The following IPO13 variants were observed in gnomAD, a reference collection of about 807,000 sequenced individuals.
The protein encoded by IPO13 is importin 13.
Under a neutral mutation model 115.5 loss-of-function variants are expected in IPO13, and 28 were observed. That is an observed-to-expected ratio of 0.24 (90% CI 0.18 to 0.33). IPO13 has a LOEUF of 0.33. Among genes scored for constraint, IPO13 ranks in the 10% least tolerant of loss-of-function variants. The pLI, the probability that IPO13 is intolerant of heterozygous loss-of-function variation, is 1.00. For missense variants in IPO13, 785 were observed against 1,204.6 expected (o/e 0.65, Z 5.16); for synonymous variants, 414 against 478.9 (o/e 0.86, Z 1.77).
chr1:43,956,267 A>G lies in IPO13; in HGVS notation c.822-53A>G, dbSNP rs140296644. 167 of 1,600,710 alleles carry G rather than the reference A, an allele frequency of 1.0e-4. 2 individuals are homozygous for G. The African/African-American group carries it at 1.8e-3, about 17-fold the overall frequency. On this transcript the variant is annotated intron_variant, in intron 2 of 19. Transcript: ENST00000372343. This position sits in a 1 kb window ranked among gnomAD's most constrained non-coding sequence, Gnocchi z 4.7. The stretch of plus-strand genomic sequence containing the variant: ...GAGATTATGCCTTTCTCTTAAAGCC[A>G]GTGTGGGGTTGAGCAGAGAGCTCTG...
At chr1:43,960,357 C>T (rs1344295050) in intron 12 of IPO13, 28 bp downstream of exon 12, 3 of 1,586,142 alleles carry the variant, frequency 1.9e-6, no homozygotes, top group Non-Finnish European at 2.6e-6. Context: ...CCCTCCGCTC[C>T]CATAGTGACT....
At chr1:43,965,481 ATG>A (rs1416811708) in intron 15 of IPO13, among the ~76,000 whole-genome samples, 2 of 151,720 alleles carry the variant, frequency 1.3e-5, no homozygotes, top group Non-Finnish European at 2.9e-5. Context: ...CTGGATGGAT[ATG>A]TGTGTGGGTG....
rs34228830 is a variant in IPO13, at chr1:43,958,811, A to G, written c.1950A>G (p.Thr650=). The change falls in exon 11 of 20, where the codon ACA becomes ACG. Residue 650 remains threonine, a synonymous_variant. Coordinates refer to ENST00000372343, the MANE Select transcript of IPO13 (RefSeq NM_014652.4). This position sits in a 1 kb window ranked among gnomAD's most constrained non-coding sequence, Gnocchi z 6.3. ...GGCTTCTCTCCAACCTCTTCACCAC[A>G]CTGGACATCAGTCATCATGAGGATG... ...ILGLLSNLFT[T]LDISHHEDDH... is the part of the protein sequence containing the mutation. The G allele has an allele frequency of 2.7e-3, 4,284 of 1,613,938 alleles. 101 individuals carry two copies. The African/African-American group carries it at 0.051, about 19-fold the overall frequency.
At chr1:43,957,110 G>T in intron 5 of IPO13, 85 bp from the exon 6 acceptor site, 1 of 1,573,396 alleles carries the variant, frequency 6.4e-7, no homozygotes, top group Non-Finnish European at 8.6e-7. Context: ...AGAGTTGTGG[G>T]GGTACTGGGG....
rs376501674 is a variant in IPO13, at chr1:43,949,844, C to G, written c.512C>G (p.Thr171Arg). The change falls in exon 2 of 20, where the codon ACA becomes AGA. Residue 171 changes from threonine (T) to arginine (R), a missense_variant. Coordinates refer to ENST00000372343, the MANE Select transcript of IPO13 (RefSeq NM_014652.4). Reference sequence around the variant, plus strand: ...TGCCTAGCCCTGTTAGAGCTGCTGACAGTGCTGCCTGAGGAGTTCCAGACC... The same window carrying G: ...TGCCTAGCCCTGTTAGAGCTGCTGAGAGTGCTGCCTGAGGAGTTCCAGACC... Reference protein sequence around the residue: ...GRCLALLELLTVLPEEFQTSR... With the variant: ...GRCLALLELLRVLPEEFQTSR... 6.2e-7 allele frequency: 1 copy of G among 1,613,548 alleles called. No individual in the cohort carries two copies. The highest frequency in any genetic ancestry group is 1.1e-5 in the South Asian group (1 of 91,040).
chr1:43,958,304 G>T lies in IPO13; in HGVS notation c.1749+36G>T. The T allele has an allele frequency of 6.2e-7, 1 of 1,613,562 alleles. No individual in the cohort carries two copies. Among genetic ancestry groups the T allele is most frequent in the Non-Finnish European group, 8.5e-7 (1 of 1,179,514 alleles). On this transcript the variant is annotated intron_variant, in intron 9 of 19. Transcript: ENST00000372343. This position sits in a 1 kb window ranked among gnomAD's most constrained non-coding sequence, Gnocchi z 6.3. ...AAAGTTTCTAGGGGTCTCCTTGGAG[G>T]TCTTGTGGGAATCACTTATCCCTGA...
chr1:43,966,992 T>A lies in IPO13; in HGVS notation c.2586T>A (p.Gly862=), dbSNP rs1002554937. 2 of 1,613,558 alleles carry A rather than the reference T, an allele frequency of 1.2e-6. No individual in the cohort carries two copies. The highest frequency in any genetic ancestry group is 2.7e-5 in the African/African-American group (2 of 74,832). The change falls in exon 18 of 20, where the codon GGT becomes GGA. Residue 862 remains glycine, a synonymous_variant. Coordinates refer to ENST00000372343, the MANE Select transcript of IPO13 (RefSeq NM_014652.4). This position sits in a 1 kb window ranked among gnomAD's most constrained non-coding sequence, Gnocchi z 4.1. ...ESVGKVVQED[G]RMLLIAVLEA... is the part of the protein sequence containing the mutation. Reference sequence around the variant, plus strand: ...TGGGAAAGGTGGTACAGGAAGACGGTCGTATGCTGCTCATAGCAGTGCTGG... The same window carrying A: ...TGGGAAAGGTGGTACAGGAAGACGGACGTATGCTGCTCATAGCAGTGCTGG...
intron 11 of IPO13, among the ~76,000 whole-genome samples, chr1:43,959,099 C>T (rs1485735939): frequency 6.6e-6 from 1 of 152,214 alleles, no homozygotes; most frequent in Non-Finnish European, 1.5e-5. Context: ...TCTCACTCAG[C>T]TCTGTGTGTG....
chr1:43,950,901 T>C (rs2085204619), intron 2 of IPO13, among the ~76,000 whole-genome samples: 1 of 152,222 alleles, frequency 6.6e-6, no homozygotes, highest in Non-Finnish European at 1.5e-5. Context: ...TATTTTTCCT[T>C]CTTAGCCCAT....
chr1:43,949,321 A>G, intron 1 of IPO13, 96 bp from the exon 2 acceptor site: 1 of 1,332,900 alleles, frequency 7.5e-7, no homozygotes, highest in Non-Finnish European at 1.0e-6. Context: ...AGTCAGGGAG[A>G]GGGAGCAGCC....
chr1:43,957,055 C>A, intron 5 of IPO13, 79 bp downstream of exon 5: 3 of 1,568,296 alleles, frequency 1.9e-6, no homozygotes, highest in East Asian at 2.2e-5. Context: ...CAAGTCCAGG[C>A]TTTCTGAATT....
chr1:43,947,830 G>A (rs886603900), intron 1 of IPO13, 146 bp downstream of exon 1: 15 of 425,734 alleles, frequency 3.5e-5, no homozygotes, highest in African/African-American at 2.9e-4. Context: ...TGGGCAGGCA[G>A]TATTGCAGTG....
rs898232042 is a variant in IPO13 at position 43,960,805 on chromosome 1, T to C, written c.2110-71T>C. On this transcript the variant is annotated intron_variant, in intron 12 of 19. Transcript: ENST00000372343. The stretch of plus-strand genomic sequence containing the variant: ...TAAGGGCCCAATCGTAGGCCCCCTC[T>C]GTGCAGGGCTTCAGCGCTGTTCCAG... 3.2e-6 allele frequency: 5 copies of C among 1,576,714 alleles called. No individual in the cohort carries two copies. The African/African-American group carries it at 5.4e-5, about 17-fold the overall frequency.
chr1:43,958,500 C>G lies in IPO13; in HGVS notation c.1789C>G (p.Leu597Val). The G allele has an allele frequency of 6.2e-7, 1 of 1,614,188 alleles. No homozygotes were observed. The highest frequency in any genetic ancestry group is 1.1e-5 in the South Asian group (1 of 91,092). ...CMWLMQALGF[L>V]LSALQVEEIL... ...GTGGCTGATGCAGGCGCTGGGCTTC[C>G]TGCTGTCAGCTCTTCAAGTGGAGGA... is the stretch of plus-strand genomic sequence containing the variant. Residue 597 changes from leucine to valine, a missense_variant, in exon 10 of 20, where the codon CTG becomes GTG. Physicochemically the swap from Leu to Val is conservative, Grantham distance 32. Transcript: ENST00000372343. The surrounding 1 kb of genome is among the most constrained non-coding windows in gnomAD (Gnocchi z 6.3).
chr1:43,958,481 G>A lies in IPO13; in HGVS notation c.1770G>A (p.Leu590=). The change falls in exon 10 of 20, where the codon CTG becomes CTA. Residue 590 remains leucine (L), a synonymous_variant. Coordinates refer to ENST00000372343, the MANE Select transcript of IPO13 (RefSeq NM_014652.4). This position sits in a 1 kb window ranked among gnomAD's most constrained non-coding sequence, Gnocchi z 6.3. ...QIHKTSQCMW[L]MQALGFLLSA... ...CACAGACAAGCCAGTGCATGTGGCT[G>A]ATGCAGGCGCTGGGCTTCCTGCTGT... 1 of 1,614,154 alleles carries A rather than the reference G, an allele frequency of 6.2e-7. No individual in the cohort carries two copies. The highest frequency in any genetic ancestry group is 2.2e-5 in the East Asian group (1 of 44,890).
At position 43,949,787 on chromosome 1, in the gene IPO13, C is replaced by T; in HGVS notation, c.455C>T (p.Ala152Val). ...AVADMVRLFQ[A>V]EDSPVDGQGR... ...GCAGATATGGTACGACTCTTCCAGG[C>T]TGAGGACTCACCAGTGGATGGGCAG... Residue 152 changes from alanine to valine, a missense_variant, in exon 2 of 20, where the codon GCT becomes GTT. By Grantham distance (64) the Ala-to-Val change is moderately conservative. This residue lies in a region of IPO13 where 325 missense variants were observed against 449.8 expected (regional missense o/e 0.72). Transcript: ENST00000372343. 1 of 1,614,150 alleles carries T rather than the reference C, an allele frequency of 6.2e-7. No homozygotes were observed. The highest frequency in any genetic ancestry group is 8.5e-7 in the Non-Finnish European group (1 of 1,180,008).
rs772656075 is a variant in IPO13, at chr1:43,967,364, T to C, written c.2663T>C (p.Ile888Thr). Residue 888 changes from isoleucine (I) to threonine (T), a missense_variant, in exon 19 of 20, where the codon ATC becomes ACC. Transcript: ENST00000372343. The surrounding 1 kb of genome is among the most constrained non-coding windows in gnomAD (Gnocchi z 6.1). ...AGCCTCATGGACTGCTTTGCCGATATCCTGTTCGCCCTGAACAAGCACTGC... is the reference window on the plus strand; with the variant it reads ...AGCCTCATGGACTGCTTTGCCGATACCCTGTTCGCCCTGAACAAGCACTGC... ...SRSLMDCFAD[I>T]LFALNKHCFS... 1.2e-6 allele frequency: 2 copies of C among 1,614,138 alleles called. No individual in the cohort carries two copies. The highest frequency in any genetic ancestry group is 1.7e-6 in the Non-Finnish European group (2 of 1,180,030).
In IPO13 at chr1:43,958,919, T is replaced by A. The variant is rs763781741; in HGVS notation, c.2028+30T>A. 5 of 1,600,758 alleles carry A rather than the reference T, an allele frequency of 3.1e-6. No homozygotes were observed. Among genetic ancestry groups the A allele is most frequent in the Non-Finnish European group, 4.3e-6 (5 of 1,168,722 alleles). ...GTGACATTTGCCCACGGCAAAGACA[T>A]TTGTCTTTGCCATCCCCCCAACCCC... On this transcript the variant is annotated intron_variant, in intron 11 of 19. Transcript: ENST00000372343. This position sits in a 1 kb window ranked among gnomAD's most constrained non-coding sequence, Gnocchi z 6.3.
intron 2 of IPO13, among the ~76,000 whole-genome samples, chr1:43,955,568 C>T (rs2085238534): frequency 6.6e-6 from 1 of 152,168 alleles, no homozygotes; most frequent in Non-Finnish European, 1.5e-5. Flanking sequence ...CCAGCTGGAT[C>T]ACTCCACTCT....
Sources: gnomAD v4.1 joint callset for allele counts (sites outside exome capture counted in the v4.1 genomes callset) on GRCh38, gnomAD v4.1.1 for gene constraint, gnomAD v4.1.1 regional missense constraint, Gnocchi (gnomAD v3.1) non-coding constraint, MANE v1.5 for transcripts, NCBI Gene and HGNC (gene_info 2026-07-23, HGNC 2026-07-21) for gene names.